PWWP2A: variants seen among roughly 807,000 people sequenced by gnomAD.
The protein encoded by PWWP2A is PWWP domain-containing protein 2A.
Under a neutral mutation model 48.5 loss-of-function variants are expected in PWWP2A, and 18 were observed. That is an observed-to-expected ratio of 0.37 (90% confidence interval 0.26 to 0.55). The LOEUF is 0.55. Ranked by LOEUF, PWWP2A falls within the 20% of genes least tolerant of loss-of-function variation. The pLI, the probability that PWWP2A is intolerant of heterozygous loss-of-function variation, is 0.81. For synonymous variants in PWWP2A, 396 were observed against 387.7 expected (o/e 1.02, Z -0.25); for missense variants, 867 against 976.4 (o/e 0.89, Z 1.49).
intron 1 of PWWP2A, among the ~76,000 whole-genome samples, chr5:160,101,761 C>G (rs1177036703): frequency 4.0e-5 from 6 of 151,006 alleles, no homozygotes; most frequent in Non-Finnish European, 7.4e-5. Flanking sequence ...ATCACTTGAG[C>G]CCGAGTTCGA....
the PWWP2A span, chr5:160,049,549 T>C: frequency 9.4e-6 from 15 of 1,601,490 alleles, no homozygotes; most frequent in African/African-American, 4.1e-5. Context: ...CAGGGCAATA[T>C]TGAGGAGAGC....
chr5:160,100,351 T>C (rs1014249295), intron 1 of PWWP2A, among the ~76,000 whole-genome samples: 1 of 151,972 alleles, frequency 6.6e-6, no homozygotes, highest in African/African-American at 2.4e-5. Context: ...TAGCTAGGCG[T>C]GGTGGCACAT....
downstream of PWWP2A, among the ~76,000 whole-genome samples, chr5:160,086,546 A>T: frequency 6.6e-6 from 1 of 151,756 alleles, no homozygotes; most frequent in African/African-American, 2.4e-5. Context: ...ATATACACAC[A>T]TTTTTTTTAA....
At chr5:160,099,678 A>AATTTT (rs1554102993) in intron 1 of PWWP2A, among the ~76,000 whole-genome samples, 11 of 140,382 alleles carry the variant, frequency 7.8e-5, no homozygotes, top group African/African-American at 2.9e-4. Flanking sequence ...CAAAAAAAAA[A>AATTTT]TTTTTTTTTT....
chr5:160,100,160 G>C (rs1296310160), intron 1 of PWWP2A, among the ~76,000 whole-genome samples: 1 of 151,732 alleles, frequency 6.6e-6, no homozygotes, highest in Non-Finnish European at 1.5e-5. Flanking sequence ...AATGAGCAAG[G>C]CATGGTGGCG....
chr5:160,081,432 G>A (rs1754227689), intron 2 of PWWP2A, among the ~76,000 whole-genome samples: 1 of 152,020 alleles, frequency 6.6e-6, no homozygotes, highest in South Asian at 2.1e-4. Flanking sequence ...TAGAGATGGG[G>A]TTTCACCGTT....
At chr5:160,060,878 C>T (rs977915161), downstream of PWWP2A, among the ~76,000 whole-genome samples, 2 of 152,204 alleles carry the variant, frequency 1.3e-5, no homozygotes, top group Non-Finnish European at 2.9e-5. Flanking sequence ...CTTCAGAGCC[C>T]ATCTACCCAA....
downstream of PWWP2A, among the ~76,000 whole-genome samples, chr5:160,060,492 G>A (rs892651107): frequency 5.9e-5 from 9 of 152,204 alleles, no homozygotes; most frequent in South Asian, 2.1e-4. Context: ...TTCAGGACAT[G>A]TGGACATATT....
At chr5:160,109,401 T>C (rs990153316) in intron 1 of PWWP2A, among the ~76,000 whole-genome samples, 2 of 151,892 alleles carry the variant, frequency 1.3e-5, no homozygotes, top group Admixed American at 6.6e-5. Context: ...TTCACTTTTT[T>C]CCCCCCATTT....
intron 1 of PWWP2A, among the ~76,000 whole-genome samples, chr5:160,108,953 C>T (rs144484938): frequency 1.3e-5 from 2 of 152,238 alleles, no homozygotes; most frequent in Admixed American, 1.3e-4. Context: ...GCTGGGATTA[C>T]AGGCAAGAGA....
downstream of PWWP2A, chr5:160,090,116 T>C (rs1051403630): frequency 5.1e-6 from 5 of 984,980 alleles, no homozygotes; most frequent in Non-Finnish European, 6.0e-6. Context: ...CTCAACCTTT[T>C]CCTCAAAGGT....
chr5:160,095,989 G>T (rs1024944575), intron 1 of PWWP2A, among the ~76,000 whole-genome samples: 2 of 152,076 alleles, frequency 1.3e-5, no homozygotes, highest in Non-Finnish European at 2.9e-5. Flanking sequence ...TGTCCAGCCA[G>T]AAATGTTCTT....
At chr5:160,060,316 A>G (rs10073416), downstream of PWWP2A, among the ~76,000 whole-genome samples, 91,265 of 151,682 alleles carry the variant, frequency 0.6, 27,412 homozygotes, top group East Asian at 0.62. Flanking sequence ...TAACAAATCA[A>G]TTGGGTTATG....
chr5:160,069,457 A>C lies in PWWP2A; in HGVS notation c.*80-2586T>G, dbSNP rs1753691710. Among the ~76,000 whole-genome samples the C allele has an allele frequency of 2.0e-5, 3 of 152,334 alleles. No homozygotes were observed. The South Asian group carries it at 6.2e-4, about 32-fold the overall frequency. ...AGTTTCTGGACCTAGTTACTCAAGT[A>C]AACTTTCTTAGTAGTGTTATTTCGT... On this transcript the variant is annotated intron_variant and NMD_transcript_variant, in intron 2 of 5. Transcript: ENST00000524050.
chr5:160,061,364 T>G (rs1753391404), downstream of PWWP2A, among the ~76,000 whole-genome samples: 1 of 152,242 alleles, frequency 6.6e-6, no homozygotes, highest in South Asian at 2.1e-4. Flanking sequence ...TCTCGTAGCA[T>G]TTTATAACTC....
intron 1 of PWWP2A, among the ~76,000 whole-genome samples, chr5:160,095,951 G>A (rs529530176): frequency 6.6e-6 from 1 of 152,162 alleles, no homozygotes; most frequent in South Asian, 2.1e-4. Context: ...GCCTCCCAAA[G>A]TGCTGGGATT....
At chr5:160,081,842 T>G (rs1371888802) in intron 2 of PWWP2A, among the ~76,000 whole-genome samples, 2 of 152,208 alleles carry the variant, frequency 1.3e-5, no homozygotes, top group African/African-American at 4.8e-5. Flanking sequence ...CACATCAGTG[T>G]AGTCAACTCT....
intron 2 of PWWP2A, among the ~76,000 whole-genome samples, chr5:160,067,717 A>C (rs1301537523): frequency 6.6e-6 from 1 of 152,204 alleles, no homozygotes; most frequent in Non-Finnish European, 1.5e-5. Flanking sequence ...TAAGCCAAGG[A>C]GTTTTTATCT....
intron 1 of PWWP2A, among the ~76,000 whole-genome samples, chr5:160,105,239 CAAAAAAAAAAAA>C (rs70990704): frequency 0.012 from 611 of 49,032 alleles, 7 homozygotes; most frequent in Middle Eastern, 0.068. Context: ...GTCTCTAAGG[CAAAAAAAAAAAA>C]AAAAAAAAAA....
Sources: gnomAD v4.1 joint callset for allele counts (sites outside exome capture counted in the v4.1 genomes callset) on GRCh38, gnomAD v4.1.1 for gene constraint, MANE v1.5 for transcripts, NCBI Gene and HGNC (gene_info 2026-07-23, HGNC 2026-07-21) for gene names.